The following UBASH3A variants were observed in gnomAD, a reference collection of about 807,000 sequenced individuals.
The protein encoded by UBASH3A is ubiquitin associated and SH3 domain containing A.
UBASH3A carries 63 observed loss-of-function variants against 73.5 expected under a neutral mutation model. The ratio of observed to expected loss-of-function variants is 0.86; its 90% CI spans 0.70 to 1.06. The LOEUF (loss-of-function observed/expected upper bound fraction) is 1.06, where lower values mean the gene tolerates loss of function less well. UBASH3A is among the 50% of genes least tolerant of loss of function. The pLI is 0.00. For synonymous variants in UBASH3A, 363 were observed against 351.1 expected (o/e 1.03, Z -0.38); for missense variants, 860 against 859.0 (o/e 1.00, Z -0.02).
chr21:42,447,100 A>G lies in UBASH3A; in HGVS notation c.1892A>G (p.Glu631Gly). The G allele has an allele frequency of 6.2e-7, 1 of 1,614,018 alleles. No homozygotes were observed. The highest frequency in any genetic ancestry group is 8.5e-7 in the Non-Finnish European group (1 of 1,179,966). Reference protein sequence around the residue: ...GMCFCEENKEEGKWELVNPPV... With the variant: ...GMCFCEENKEGGKWELVNPPV... The stretch of plus-strand genomic sequence containing the variant: ...TGCTTCTGTGAAGAAAATAAAGAGG[A>G]AGGAAAATGGGAGTTGGTGAACCCA... Residue 631 changes from glutamate (E) to glycine (G), a missense_variant, in exon 15 of 15, where the codon GAA becomes GGA. Physicochemically the swap from Glu to Gly is moderately conservative, Grantham distance 98. Coordinates refer to ENST00000319294, the MANE Select transcript of UBASH3A (RefSeq NM_018961.4).
chr21:42,416,396 T>C (rs980581976), intron 5 of UBASH3A, 46 bp from the exon 6 acceptor site: 8 of 1,503,158 alleles, frequency 5.3e-6, no homozygotes, highest in Non-Finnish European at 6.2e-6. Flanking sequence ...AGGAGACATT[T>C]AGGTAACGGT....
rs201050988 is a variant in UBASH3A, at chr21:42,403,995, A to G, written c.50A>G (p.Lys17Arg). 1.4e-5 allele frequency: 21 copies of G among 1,529,292 alleles called. No individual in the cohort carries two copies. In the East Asian group the frequency reaches 3.3e-4, roughly 24 times the overall value. 94.7% of individuals were successfully genotyped at this position (1,529,292 alleles called of 1,614,324 possible). The change falls in exon 1 of 15, where the codon AAG (lysine) becomes AGG (arginine). Residue 17 changes from lysine to arginine, a missense_variant. Transcript: ENST00000319294. ...QLYAKVSNKLKSRSSPSLLEP... is the reference protein window; with the variant it reads ...QLYAKVSNKLRSRSSPSLLEP... ...TACGCCAAGGTCTCCAACAAGCTCA[A>G]GAGCCGCAGCAGCCCCTCGCTCCTG...
At chr21:42,432,298 G>A in intron 9 of UBASH3A, 96 bp downstream of exon 9, 1 of 786,094 alleles carries the variant, frequency 1.3e-6, no homozygotes, top group South Asian at 1.6e-5. Flanking sequence ...CAGATCCCCT[G>A]AGGCACCATT....
chr21:42,442,465 G>GA lies in UBASH3A; in HGVS notation c.1507dup (p.Ile503AsnfsTer11), dbSNP rs761582716. On this transcript the variant is annotated frameshift_variant, in exon 12 of 15. Transcript: ENST00000319294. LOFTEE classifies it high-confidence loss of function. ...TGTTGAATCCAGAACTCAAACTGGA[G>GA]AAAAAAATCAAGATACGAGTGGAAC... 58 of 1,613,720 alleles carry GA rather than the reference G, an allele frequency of 3.6e-5. No individual in the cohort carries two copies. Among genetic ancestry groups the GA allele is most frequent in the African/African-American group, 4.0e-5 (3 of 74,962 alleles).
At chr21:42,436,631 G>A (rs1360649686) in intron 10 of UBASH3A, among the ~76,000 whole-genome samples, 3 of 152,152 alleles carry the variant, frequency 2.0e-5, no homozygotes, top group Non-Finnish European at 2.9e-5. Flanking sequence ...CCAAGGGTGA[G>A]GACTCTAACA....
chr21:42,443,192 G>A (rs1260875931), intron 12 of UBASH3A, 120 bp from the exon 13 acceptor site: 1 of 1,419,480 alleles, frequency 7.0e-7, no homozygotes, highest in Admixed American at 2.9e-5. Flanking sequence ...TTGACCATGA[G>A]CCTGCCTTGA....
intron 8 of UBASH3A, among the ~76,000 whole-genome samples, chr21:42,427,320 C>T (rs1004334401): frequency 3.9e-5 from 6 of 152,130 alleles, no homozygotes; most frequent in Non-Finnish European, 8.8e-5. Flanking sequence ...TCCCTGAACG[C>T]AAACAAGTGA....
chr21:42,426,950 TG>T lies in UBASH3A; in HGVS notation c.1170+132del. ...GACACATCCTCCCTGCCCTAGAGCG[TG>T]GTCAGCAAGGGGGCCTCCCAGGTCT... On this transcript the variant is annotated intron_variant, in intron 8 of 14. Coordinates refer to ENST00000319294, the MANE Select transcript of UBASH3A (RefSeq NM_018961.4). 3.2e-6 allele frequency: 4 copies of T among 1,238,142 alleles called. 1 individual carries two copies. The highest frequency in any genetic ancestry group is 2.9e-5 in the South Asian group (2 of 68,866). The allele number at this position is 1,238,142 out of a possible 1,614,324, so 76.7% of individuals were successfully genotyped here. A position where few individuals can be genotyped will look rare whatever the true frequency, so the allele number is the denominator to read the frequency against.
rs2053575449 is a variant in UBASH3A, at chr21:42,433,599, C to T, written c.1271-1233C>T. Among the ~76,000 whole-genome samples the T allele has an allele frequency of 1.3e-5, 2 of 152,190 alleles. 1 individual carries two copies. The highest frequency in any genetic ancestry group is 4.1e-4 in the South Asian group (2 of 4,830). On this transcript the variant is annotated intron_variant, in intron 9 of 14. Transcript: ENST00000319294. ...GTCTTGACATTTTAGAGGGGGATCA[C>T]AGATGCCTTTGAGAACACAATGAAA...
chr21:42,425,808 G>A (rs944595079), intron 7 of UBASH3A, among the ~76,000 whole-genome samples: 2 of 152,050 alleles, frequency 1.3e-5, no homozygotes, highest in East Asian at 3.8e-4. Context: ...GACCTCTATG[G>A]GAGAAATGCA....
At chr21:42,407,045 G>A (rs1269865606) in intron 2 of UBASH3A, among the ~76,000 whole-genome samples, 3 of 152,088 alleles carry the variant, frequency 2.0e-5, no homozygotes, top group African/African-American at 7.2e-5. Context: ...CCAGGTGTGT[G>A]GGTCGGGTGA....
chr21:42,413,405 C>T lies in UBASH3A; in HGVS notation c.554-5C>T, dbSNP rs781767970. 1.2e-6 allele frequency: 2 copies of T among 1,610,726 alleles called. No individual in the cohort carries two copies. The highest frequency in any genetic ancestry group is 8.5e-7 in the Non-Finnish European group (1 of 1,178,250). ...GGCTCAGTGGCTGCACCTGTCCTCA[C>T]CCAGGCACTTCCGTTTCCCGCTTCT... is the stretch of plus-strand genomic sequence containing the variant. On this transcript the variant is annotated splice_region_variant and splice_polypyrimidine_tract_variant and intron_variant, in intron 4 of 14. Transcript: ENST00000319294. The surrounding 1 kb of genome is among the most constrained non-coding windows in gnomAD (Gnocchi z 4.5).
chr21:42,436,761 G>A lies in UBASH3A; in HGVS notation c.1394-727G>A, dbSNP rs534751297. Reference sequence around the variant, plus strand: ...GGACTCCCATATTTCCCTGAGAGCAGGGCTTCCAGTATCACAGGGGGAAAG... The same window carrying A: ...GGACTCCCATATTTCCCTGAGAGCAAGGCTTCCAGTATCACAGGGGGAAAG... On this transcript the variant is annotated intron_variant, in intron 10 of 14. Transcript: ENST00000319294. Among the ~76,000 whole-genome samples the A allele has an allele frequency of 2.0e-5, 3 of 152,322 alleles. No homozygotes were observed. In the East Asian group the frequency reaches 5.8e-4, roughly 29 times the overall value.
chr21:42,404,613 A>G (rs1305847445), intron 1 of UBASH3A, among the ~76,000 whole-genome samples: 2 of 152,140 alleles, frequency 1.3e-5, no homozygotes, highest in Non-Finnish European at 2.9e-5. Context: ...TGTGCAGCTC[A>G]GTGACTCTGA....
intron 14 of UBASH3A, among the ~76,000 whole-genome samples, chr21:42,445,583 G>A (rs2053830193): frequency 6.6e-6 from 1 of 152,360 alleles, no homozygotes; most frequent in East Asian, 1.9e-4. Flanking sequence ...GGAGGGCTTA[G>A]CTCTCTAGCT....
Position 42,406,847 on chromosome 21 carries a change from T to C in UBASH3A, c.167+486T>C, listed in dbSNP as rs374377485. On this transcript the variant is annotated intron_variant, in intron 2 of 14. Transcript: ENST00000319294. ...ATACTTGTGTTTGATTATGTCCTCC[T>C]CAACTGCCTACTACGATGGATAAGA... Among the ~76,000 whole-genome samples the C allele has an allele frequency of 9.1e-4, 138 of 152,336 alleles. 1 individual carries two copies. Among genetic ancestry groups the C allele is most frequent in the African/African-American group, 2.7e-3 (112 of 41,578 alleles).
At chr21:42,442,368 G>A in intron 11 of UBASH3A, 84 bp from the exon 12 acceptor site, 1 of 1,384,978 alleles carries the variant, frequency 7.2e-7, no homozygotes. Flanking sequence ...GTGTGTGACG[G>A]TCTGAGATCT....
chr21:42,444,231 G>A (rs867006766), intron 13 of UBASH3A, among the ~76,000 whole-genome samples: 10 of 152,196 alleles, frequency 6.6e-5, no homozygotes, highest in African/African-American at 1.9e-4. Flanking sequence ...GTCAGCCACC[G>A]CTACATCCCA....
intron 5 of UBASH3A, among the ~76,000 whole-genome samples, chr21:42,414,955 C>T (rs1385299992): frequency 6.6e-6 from 1 of 152,214 alleles, no homozygotes; most frequent in Non-Finnish European, 1.5e-5. Context: ...CCAGCGTTGA[C>T]CTCACATCTA....
Sources: gnomAD v4.1 joint callset for allele counts (sites outside exome capture counted in the v4.1 genomes callset) on GRCh38, gnomAD v4.1.1 for gene constraint, Gnocchi (gnomAD v3.1) non-coding constraint, MANE v1.5 for transcripts, NCBI Gene and HGNC (gene_info 2026-07-23, HGNC 2026-07-21) for gene names.